The following TSPAN12 variants were observed in gnomAD, a reference collection of about 807,000 sequenced individuals.
TSPAN12 encodes the protein tetraspanin-12.
A neutral mutation model predicts 39.2 loss-of-function variants in TSPAN12; 19 were observed. The observed-to-expected ratio is 0.49, with a 90% CI of 0.34 to 0.71. The LOEUF is 0.71. Ranked by LOEUF, TSPAN12 falls within the 30% of genes least tolerant of loss-of-function variation. The pLI is 0.01. For missense variants in TSPAN12, 314 were observed against 359.9 expected (o/e 0.87, Z 1.03); for synonymous variants, 119 against 124.8 (o/e 0.95, Z 0.31).
At chr7:120,832,096 C>A (rs1442025661) in intron 4 of TSPAN12, among the ~76,000 whole-genome samples, 2 of 152,012 alleles carry the variant, frequency 1.3e-5, no homozygotes, top group Non-Finnish European at 2.9e-5. Flanking sequence ...TCAAGCAATA[C>A]AAACATTACT....
At chr7:120,823,086 T>C (rs781083026) in intron 4 of TSPAN12, among the ~76,000 whole-genome samples, 2 of 152,140 alleles carry the variant, frequency 1.3e-5, no homozygotes, top group African/African-American at 2.4e-5. Flanking sequence ...ATGAATGCTT[T>C]TTCCGGAAAT....
At chr7:120,801,902 T>G (rs770715699) in intron 7 of TSPAN12, among the ~76,000 whole-genome samples, 4 of 152,132 alleles carry the variant, frequency 2.6e-5, no homozygotes, top group African/African-American at 9.7e-5. Context: ...GGAAAAAAAA[T>G]GGATATAAAA....
chr7:120,799,652 TAAATATATAA>T (rs2116322736), intron 7 of TSPAN12, among the ~76,000 whole-genome samples: 1 of 101,976 alleles, frequency 9.8e-6, no homozygotes, highest in South Asian at 2.7e-4. Context: ...TATATATAAT[TAAATATATAA>T]AAATATATAA....
At chr7:120,823,865 T>A (rs940643931) in intron 4 of TSPAN12, among the ~76,000 whole-genome samples, 10 of 152,102 alleles carry the variant, frequency 6.6e-5, no homozygotes, top group Non-Finnish European at 1.2e-4. Flanking sequence ...CTGATAAAAG[T>A]AAAAACAAAA....
At chr7:120,794,846 T>C (rs1459979967) in intron 7 of TSPAN12, among the ~76,000 whole-genome samples, 2 of 152,218 alleles carry the variant, frequency 1.3e-5, no homozygotes, top group African/African-American at 4.8e-5. Context: ...TTCATTGAAA[T>C]AGCTCCAGGG....
chr7:120,835,388 A>T (rs1365491634), intron 4 of TSPAN12, among the ~76,000 whole-genome samples: 1 of 152,202 alleles, frequency 6.6e-6, no homozygotes, highest in Non-Finnish European at 1.5e-5. Flanking sequence ...TCAGGTTTAA[A>T]ATGAAAATGT....
At position 120,813,551 on chromosome 7, in the gene TSPAN12, T is replaced by A. The variant is rs529145924; in HGVS notation, c.360+2178A>T. ...TTAAGTTAATTCATTTTGAACTTGC[T>A]GTATCTTAGAAGATTTACCAAATAT... On this transcript the variant is annotated intron_variant, in intron 5 of 7. Transcript: ENST00000222747. 2.2e-4 allele frequency among the ~76,000 whole-genome samples: 33 copies of A among 152,342 alleles called. No homozygotes were observed. The East Asian group carries it at 6.4e-3, about 29-fold the overall frequency.
At chr7:120,802,770 A>G (rs1793798843) in intron 7 of TSPAN12, among the ~76,000 whole-genome samples, 1 of 152,224 alleles carries the variant, frequency 6.6e-6, no homozygotes, top group South Asian at 2.1e-4. Context: ...ACAAGTTTGT[A>G]GCTTATTATG....
At chr7:120,806,423 G>C in intron 7 of TSPAN12, 126 bp downstream of exon 7, 2 of 962,374 alleles carry the variant, frequency 2.1e-6, no homozygotes, top group Admixed American at 2.3e-5. Context: ...CCCCATATTA[G>C]AGAAAAATTT....
At chr7:120,852,270 C>G (rs1794784254) in intron 2 of TSPAN12, among the ~76,000 whole-genome samples, 1 of 151,980 alleles carries the variant, frequency 6.6e-6, no homozygotes, top group Admixed American at 6.5e-5. Flanking sequence ...AAAACTAAGA[C>G]TACTTAAAAT....
intron 4 of TSPAN12, among the ~76,000 whole-genome samples, chr7:120,820,506 G>A (rs1363947554): frequency 6.6e-6 from 1 of 152,010 alleles, no homozygotes; most frequent in Non-Finnish European, 1.5e-5. Flanking sequence ...CCTCATCACT[G>A]TTTTCCAGTA....
intron 7 of TSPAN12, among the ~76,000 whole-genome samples, chr7:120,794,526 G>T (rs1004813137): frequency 2.6e-5 from 4 of 152,182 alleles, no homozygotes; most frequent in Non-Finnish European, 5.9e-5. Context: ...TGTGCCTGCT[G>T]CCGCTTTGCT....
intron 2 of TSPAN12, among the ~76,000 whole-genome samples, chr7:120,851,275 C>T (rs931748051): frequency 4.6e-5 from 7 of 152,162 alleles, no homozygotes; most frequent in African/African-American, 1.7e-4. Flanking sequence ...GAGCATTGAG[C>T]CTCCTGTCAT....
chr7:120,835,429 C>T (rs893466977), intron 4 of TSPAN12, among the ~76,000 whole-genome samples: 3 of 152,006 alleles, frequency 2.0e-5, no homozygotes, highest in Non-Finnish European at 4.4e-5. Context: ...TTTGTAAACA[C>T]TTAGGAAAAA....
intron 2 of TSPAN12, among the ~76,000 whole-genome samples, chr7:120,854,585 T>C (rs2116513722): frequency 6.6e-6 from 1 of 152,338 alleles, no homozygotes; most frequent in Non-Finnish European, 1.5e-5. Context: ...GCGTTAGCTA[T>C]TTTGTATGTT....
chr7:120,838,207 C>T (rs1418316958), intron 4 of TSPAN12, among the ~76,000 whole-genome samples: 2 of 151,976 alleles, frequency 1.3e-5, no homozygotes, highest in African/African-American at 4.8e-5. Context: ...AAAATGTTTG[C>T]CTACTTTTGA....
At chr7:120,826,780 T>C (rs1286347612) in intron 4 of TSPAN12, among the ~76,000 whole-genome samples, 1 of 152,166 alleles carries the variant, frequency 6.6e-6, no homozygotes, top group Admixed American at 6.5e-5. Context: ...TGCAGTGCTG[T>C]GGCATGATCT....
At chr7:120,792,034 T>C (rs1057380117) in intron 7 of TSPAN12, among the ~76,000 whole-genome samples, 2 of 152,184 alleles carry the variant, frequency 1.3e-5, no homozygotes, top group Admixed American at 1.3e-4. Flanking sequence ...AACCAAAGTC[T>C]TGCGGCAATC....
chr7:120,796,183 T>C (rs1467016772), intron 7 of TSPAN12, among the ~76,000 whole-genome samples: 1 of 152,232 alleles, frequency 6.6e-6, no homozygotes. Flanking sequence ...AAACCCCTCC[T>C]GCAAATATTT....
Sources: gnomAD v4.1 joint callset for allele counts (sites outside exome capture counted in the v4.1 genomes callset) on GRCh38, gnomAD v4.1.1 for gene constraint, MANE v1.5 for transcripts, NCBI Gene and HGNC (gene_info 2026-07-23, HGNC 2026-07-21) for gene names.